The following MPPED2 variants were observed in gnomAD, a reference collection of about 807,000 sequenced individuals.
MPPED2 encodes metallophosphoesterase domain containing 2.
In MPPED2, 5 loss-of-function variants were observed where a neutral mutation model predicts 33.0. The ratio of observed to expected loss-of-function variants is 0.15; its 90% CI spans 0.08 to 0.32. The LOEUF is 0.32. Among genes scored for constraint, MPPED2 ranks in the 10% least tolerant of loss-of-function variants. MPPED2 has a pLI of 1.00. For missense variants in MPPED2, 275 were observed against 372.1 expected (o/e 0.74, Z 2.15); for synonymous variants, 136 against 141.9 (o/e 0.96, Z 0.29).
chr11:30,476,563 A>AT (rs1951209701), intron 4 of MPPED2, among the ~76,000 whole-genome samples: 1 of 151,846 alleles, frequency 6.6e-6, no homozygotes, highest in South Asian at 2.1e-4. Context: ...CTGTATATAT[A>AT]TGGGTCTGTT....
intron 4 of MPPED2, among the ~76,000 whole-genome samples, chr11:30,468,129 A>G (rs1950791850): frequency 6.6e-6 from 1 of 152,136 alleles, no homozygotes; most frequent in African/African-American, 2.4e-5. Context: ...ACTAATATTT[A>G]CTAAGTATTT....
chr11:30,540,545 T>G (rs1159733092), intron 2 of MPPED2, among the ~76,000 whole-genome samples: 1 of 152,174 alleles, frequency 6.6e-6, no homozygotes, highest in Non-Finnish European at 1.5e-5. Context: ...TAGTAACTAA[T>G]AGTATTTTTA....
intron 4 of MPPED2, among the ~76,000 whole-genome samples, chr11:30,471,349 T>C (rs907388054): frequency 2.6e-5 from 4 of 152,220 alleles, no homozygotes; most frequent in Non-Finnish European, 4.4e-5. Context: ...GCTTAAAACC[T>C]TTCCATGGTT....
intron 4 of MPPED2, among the ~76,000 whole-genome samples, chr11:30,480,805 C>T (rs1178572310): frequency 6.6e-6 from 1 of 152,106 alleles, no homozygotes. Flanking sequence ...TGACGCTATC[C>T]TTTGCACATT....
chr11:30,403,064 T>G (rs549159626), intron 6 of MPPED2, among the ~76,000 whole-genome samples: 2 of 151,962 alleles, frequency 1.3e-5, no homozygotes, highest in Non-Finnish European at 2.9e-5. Context: ...GCTAACATGG[T>G]GAAACCCTGC....
intron 4 of MPPED2, among the ~76,000 whole-genome samples, chr11:30,450,201 T>C (rs1949995767): frequency 6.6e-6 from 1 of 152,208 alleles, no homozygotes; most frequent in African/African-American, 2.4e-5. Context: ...TTTTCCAAAA[T>C]ATTAATTGAG....
At chr11:30,580,569 T>A (rs1368896627) in intron 1 of MPPED2, 75 bp from the exon 2 acceptor site, 2 of 1,350,458 alleles carry the variant, frequency 1.5e-6, no homozygotes, top group African/African-American at 2.9e-5. Context: ...AAATTTAACA[T>A]CTAGACATGA....
intron 2 of MPPED2, among the ~76,000 whole-genome samples, chr11:30,576,195 A>G (rs1956922854): frequency 6.6e-6 from 1 of 152,190 alleles, no homozygotes. Context: ...GAAAAATAAA[A>G]CATAAGGAAG....
chr11:30,479,023 G>A (rs548300757), intron 4 of MPPED2, among the ~76,000 whole-genome samples: 2 of 152,210 alleles, frequency 1.3e-5, no homozygotes, highest in African/African-American at 4.8e-5. Context: ...CAGCTTGCAT[G>A]CCTAAAAGCT....
chr11:30,507,664 A>G (rs1235063759), intron 3 of MPPED2, among the ~76,000 whole-genome samples: 1 of 152,146 alleles, frequency 6.6e-6, no homozygotes, highest in Non-Finnish European at 1.5e-5. Flanking sequence ...CCACCCCTCA[A>G]TGGGCAACAT....
chr11:30,485,040 A>G (rs1371490395), intron 4 of MPPED2, among the ~76,000 whole-genome samples: 3 of 152,260 alleles, frequency 2.0e-5, no homozygotes, highest in Non-Finnish European at 2.9e-5. Context: ...CCTTTCGGGG[A>G]AAAAAATAAT....
chr11:30,403,055 C>G (rs1947932509), intron 6 of MPPED2, among the ~76,000 whole-genome samples: 1 of 152,066 alleles, frequency 6.6e-6, no homozygotes, highest in Non-Finnish European at 1.5e-5. Context: ...ACCATCCTGG[C>G]TAACATGGTG....
At chr11:30,439,573 G>A (rs980741988) in intron 4 of MPPED2, among the ~76,000 whole-genome samples, 5 of 152,094 alleles carry the variant, frequency 3.3e-5, no homozygotes, top group African/African-American at 1.2e-4. Context: ...GAATTACGGT[G>A]CCCTAGAAAC....
rs1286168135 is a variant in MPPED2 at position 30,410,782 on chromosome 11, G to A, written c.*686C>T. 2 of 985,122 alleles carry A rather than the reference G, an allele frequency of 2.0e-6. No individual in the cohort carries two copies. The highest frequency in any genetic ancestry group is 2.4e-6 in the Non-Finnish European group (2 of 829,440). 61.0% of individuals were successfully genotyped at this position (985,122 alleles called of 1,614,324 possible). A position where few individuals can be genotyped will look rare whatever the true frequency, so the allele number is the denominator to read the frequency against. ...TTAACCGTATGAAATACCTGCTCTT[G>A]ACAGATTCCATTTCTGTATTTTTAA... is the stretch of plus-strand genomic sequence containing the variant. On this transcript the variant is annotated 3_prime_UTR_variant, in exon 7 of 7. Coordinates refer to ENST00000358117, the MANE Select transcript of MPPED2 (RefSeq NM_001584.3).
chr11:30,395,824 C>A (rs987328474), intron 6 of MPPED2, among the ~76,000 whole-genome samples: 1 of 152,144 alleles, frequency 6.6e-6, no homozygotes, highest in African/African-American at 2.4e-5. Flanking sequence ...TGCAATCAAT[C>A]TTTTCAGAAA....
chr11:30,504,639 A>G, intron 3 of MPPED2: 1 of 531,172 alleles, frequency 1.9e-6, no homozygotes, highest in Non-Finnish European at 3.1e-6. Context: ...CACCAGAAAC[A>G]TTCAGTCAGG....
intron 5 of MPPED2, 129 bp downstream of exon 5, chr11:30,417,389 T>C (rs893478871): frequency 3.5e-6 from 2 of 574,784 alleles, no homozygotes; most frequent in Non-Finnish European, 6.3e-6. Context: ...TTTAAAGACA[T>C]TGACTTTTCT....
At chr11:30,499,237 C>T (rs186238927) in intron 3 of MPPED2, among the ~76,000 whole-genome samples, 2 of 148,898 alleles carry the variant, frequency 1.3e-5, no homozygotes, top group African/African-American at 4.8e-5. Context: ...ATCACACCAT[C>T]TGTTTGCATC....
chr11:30,478,539 T>A (rs1447248716), intron 4 of MPPED2, among the ~76,000 whole-genome samples: 1 of 152,012 alleles, frequency 6.6e-6, no homozygotes, highest in East Asian at 1.9e-4. Flanking sequence ...AACATGATGA[T>A]AACAAAGGCT....
Sources: allele counts gnomAD v4.1 joint callset (sites outside exome capture counted in the v4.1 genomes callset), GRCh38; gene constraint gnomAD v4.1.1; transcripts MANE v1.5; gene names NCBI Gene and HGNC (gene_info 2026-07-23, HGNC 2026-07-21).